Variants in CSMD1 observed in about 807,000 individuals in gnomAD.
The protein encoded by CSMD1 is CUB and Sushi multiple domains 1.
A neutral mutation model predicts 417.5 loss-of-function variants in CSMD1; 213 were observed. The observed-to-expected ratio is 0.51, with a 90% confidence interval of 0.46 to 0.57. CSMD1 has a LOEUF of 0.57. Ranked by LOEUF, CSMD1 falls within the 20% of genes least tolerant of loss-of-function variation. CSMD1 has a pLI of 0.00. For missense variants in CSMD1, 6,923 were observed against 4,529.7 expected (o/e 1.53, Z -15.17); for synonymous variants, 2,862 against 1,736.8 (o/e 1.65, Z -16.11).
intron 56 of CSMD1, among the ~76,000 whole-genome samples, chr8:2,974,134 T>G (rs886429704): frequency 6.9e-6 from 1 of 144,286 alleles, no homozygotes; most frequent in African/African-American, 2.5e-5. Context: ...GGAGGGAAAA[T>G]TAACCACATA....
At chr8:4,068,161 T>G (rs1326659312) in intron 3 of CSMD1, among the ~76,000 whole-genome samples, 1 of 151,970 alleles carries the variant, frequency 6.6e-6, no homozygotes, top group Non-Finnish European at 1.5e-5. Flanking sequence ...AGAGAGTCAT[T>G]TAGGGTTTTC....
chr8:4,806,312 T>C (rs376793062), intron 1 of CSMD1, among the ~76,000 whole-genome samples: 1 of 152,126 alleles, frequency 6.6e-6, no homozygotes, highest in African/African-American at 2.4e-5. Context: ...GGTGGCCTAG[T>C]TCCACCCTAG....
intron 12 of CSMD1, among the ~76,000 whole-genome samples, chr8:3,428,959 T>A (rs1311365763): frequency 6.6e-6 from 1 of 152,154 alleles, no homozygotes; most frequent in Non-Finnish European, 1.5e-5. Context: ...CACATCATCA[T>A]CTCACTTTTA....
chr8:3,371,799 A>C (rs1809970117), intron 18 of CSMD1, among the ~76,000 whole-genome samples: 1 of 152,214 alleles, frequency 6.6e-6, no homozygotes, highest in Non-Finnish European at 1.5e-5. Context: ...TTTTTAAAAT[A>C]ATTTCTAGAA....
At chr8:4,345,862 C>A (rs1302519981) in intron 3 of CSMD1, among the ~76,000 whole-genome samples, 2 of 152,118 alleles carry the variant, frequency 1.3e-5, no homozygotes, top group Non-Finnish European at 2.9e-5. Flanking sequence ...TCTGAGGTTA[C>A]ATGCACTGAC....
At chr8:4,510,994 G>T (rs926904866) in intron 2 of CSMD1, among the ~76,000 whole-genome samples, 1 of 151,680 alleles carries the variant, frequency 6.6e-6, no homozygotes, top group African/African-American at 2.4e-5. Flanking sequence ...TCTAAGGAAT[G>T]ATTCAAAGTG....
chr8:4,092,924 C>A (rs1004099217), intron 3 of CSMD1, among the ~76,000 whole-genome samples: 1 of 151,954 alleles, frequency 6.6e-6, no homozygotes, highest in East Asian at 1.9e-4. Context: ...ATATTTATTT[C>A]TCTGAATCCT....
At chr8:3,305,746 C>T (rs901494220) in intron 25 of CSMD1, among the ~76,000 whole-genome samples, 2 of 152,156 alleles carry the variant, frequency 1.3e-5, no homozygotes, top group East Asian at 1.9e-4. Context: ...GTGGCACGAT[C>T]TCAGCTCACT....
At chr8:3,966,452 T>G (rs1458900211) in intron 5 of CSMD1, among the ~76,000 whole-genome samples, 1 of 152,158 alleles carries the variant, frequency 6.6e-6, no homozygotes, top group East Asian at 1.9e-4. Context: ...ACATATATTT[T>G]TTATAGATAT....
intron 7 of CSMD1, among the ~76,000 whole-genome samples, chr8:3,656,469 G>A (rs1348614815): frequency 6.6e-6 from 1 of 152,166 alleles, no homozygotes; most frequent in African/African-American, 2.4e-5. Context: ...TTGGTGGACA[G>A]AAATCTGCAT....
chr8:3,436,636 T>C (rs1459106202), intron 12 of CSMD1, among the ~76,000 whole-genome samples: 1 of 152,210 alleles, frequency 6.6e-6, no homozygotes, highest in African/African-American at 2.4e-5. Flanking sequence ...ACATAGTGAT[T>C]ACATGTATTT....
At chr8:4,263,044 G>T (rs755098634) in intron 3 of CSMD1, among the ~76,000 whole-genome samples, 1 of 152,242 alleles carries the variant, frequency 6.6e-6, no homozygotes, top group South Asian at 2.1e-4. Flanking sequence ...TGTTAGAACA[G>T]AATTGTATTC....
At chr8:4,922,487 TC>T (rs893329090) in intron 1 of CSMD1, among the ~76,000 whole-genome samples, 2 of 152,236 alleles carry the variant, frequency 1.3e-5, no homozygotes, top group Admixed American at 6.5e-5. Flanking sequence ...TATGTATTCT[TC>T]CTACCTTAAA....
chr8:4,535,602 G>A (rs1174157370), intron 2 of CSMD1, among the ~76,000 whole-genome samples: 1 of 152,112 alleles, frequency 6.6e-6, no homozygotes, highest in African/African-American at 2.4e-5. Flanking sequence ...TAGCATCTCT[G>A]TTCTGTGAAA....
At chr8:3,948,727 A>T (rs954636099) in intron 5 of CSMD1, among the ~76,000 whole-genome samples, 1 of 152,182 alleles carries the variant, frequency 6.6e-6, no homozygotes, top group Non-Finnish European at 1.5e-5. Flanking sequence ...ACAATCAATA[A>T]TACAGTGACT....
chr8:4,414,119 G>A (rs1389417559), intron 3 of CSMD1, among the ~76,000 whole-genome samples: 1 of 152,146 alleles, frequency 6.6e-6, no homozygotes, highest in Non-Finnish European at 1.5e-5. Context: ...TCACTTCAAG[G>A]GAGAAATAAA....
chr8:3,104,472 T>A (rs888434731), intron 46 of CSMD1, among the ~76,000 whole-genome samples: 1 of 152,158 alleles, frequency 6.6e-6, no homozygotes, highest in Non-Finnish European at 1.5e-5. Context: ...GGTCTGGCCC[T>A]CTGCTCAGGT....
chr8:3,849,794 TGA>T (rs1269717236), intron 5 of CSMD1, among the ~76,000 whole-genome samples: 1 of 150,608 alleles, frequency 6.6e-6, no homozygotes, highest in Non-Finnish European at 1.5e-5. Flanking sequence ...GATGATATTG[TGA>T]GACAGAGTAT....
chr8:2,955,560 A>G (rs1802939345), intron 64 of CSMD1, 29 bp downstream of exon 64: 1 of 1,609,660 alleles, frequency 6.2e-7, no homozygotes, highest in South Asian at 1.1e-5. Context: ...TCTTTGGAAA[A>G]GTATGCCACT....
Sources: gnomAD v4.1 joint callset for allele counts (sites outside exome capture counted in the v4.1 genomes callset) on GRCh38, gnomAD v4.1.1 for gene constraint, MANE v1.5 for transcripts, NCBI Gene and HGNC (gene_info 2026-07-23, HGNC 2026-07-21) for gene names.